ROBO2: variants seen among roughly 807,000 people sequenced by gnomAD.
ROBO2 encodes the protein roundabout guidance receptor 2.
Under a neutral mutation model 160.8 loss-of-function variants are expected in ROBO2, and 53 were observed. That is an observed-to-expected ratio of 0.33 (90% confidence interval 0.26 to 0.41). ROBO2 has a LOEUF of 0.41. Among genes scored for constraint, ROBO2 ranks in the 10% least tolerant of loss-of-function variants. The probability of loss-of-function intolerance (pLI) is 1.00; values close to 1 mark genes in which losing one functional copy is unlikely to be tolerated. For synonymous variants in ROBO2, 664 were observed against 611.7 expected (o/e 1.09, Z -1.26); for missense variants, 1,577 against 1,722.4 (o/e 0.92, Z 1.49).
At chr3:77,276,007 A>G (rs907963377) in intron 2 of ROBO2, among the ~76,000 whole-genome samples, 1 of 152,128 alleles carries the variant, frequency 6.6e-6, no homozygotes, top group African/African-American at 2.4e-5. Context: ...AAAGTATGCT[A>G]TGAGTTTAGC....
rs1433740534 is a variant in ROBO2, at chr3:77,180,416, C to CTCTATATATATATATATA, written c.388+82077_388+82078insCTATATATATATATATAT. On this transcript the variant is annotated intron_variant, in intron 2 of 25. Coordinates refer to ENST00000461745, the Ensembl canonical transcript of ROBO2. ...TCTCTCTCTCTCTCTCTCTCTCTCT[C>CTCTATATATATATATATA]TATATATATATATATGTATTTTTTT... Among the ~76,000 whole-genome samples, 55 of 90,718 alleles carry CTCTATATATATATATATA rather than the reference C, an allele frequency of 6.1e-4. 1 individual carries two copies. Among genetic ancestry groups the CTCTATATATATATATATA allele is most frequent in the Middle Eastern group, 0.01 (1 of 98 alleles). The allele number at this position is 90,718 out of a possible 152,430, so 59.5% of individuals were successfully genotyped here.
intron 2 of ROBO2, among the ~76,000 whole-genome samples, chr3:76,525,316 T>A (rs773153752): frequency 1.3e-4 from 19 of 151,912 alleles, no homozygotes; most frequent in Non-Finnish European, 2.1e-4. Flanking sequence ...AAGGATGATC[T>A]TCTTGGTTTT....
intron 2 of ROBO2, among the ~76,000 whole-genome samples, chr3:76,917,640 T>C (rs1268822636): frequency 1.3e-5 from 2 of 152,050 alleles, no homozygotes; most frequent in Non-Finnish European, 2.9e-5. Context: ...GTGTCAAATA[T>C]GGCAAAAAAT....
At chr3:76,267,836 A>G (rs578135591) in intron 2 of ROBO2, among the ~76,000 whole-genome samples, 3 of 152,108 alleles carry the variant, frequency 2.0e-5, no homozygotes, top group Non-Finnish European at 2.9e-5. Flanking sequence ...TCTTCACCCT[A>G]AAAGCAATTA....
chr3:77,226,036 C>G (rs1055267814), intron 2 of ROBO2, among the ~76,000 whole-genome samples: 8 of 151,920 alleles, frequency 5.3e-5, no homozygotes, highest in Non-Finnish European at 1.2e-4. Context: ...TGGAACATTA[C>G]TGGAATGAAA....
At chr3:77,081,373 C>G (rs552053802) in intron 1 of ROBO2, among the ~76,000 whole-genome samples, 1 of 152,064 alleles carries the variant, frequency 6.6e-6, no homozygotes, top group Non-Finnish European at 1.5e-5. Context: ...AGTGGAGATC[C>G]AAAGGTGATC....
intron 2 of ROBO2, among the ~76,000 whole-genome samples, chr3:77,104,666 T>C (rs752734652): frequency 1.3e-5 from 2 of 152,156 alleles, no homozygotes; most frequent in African/African-American, 4.8e-5. Flanking sequence ...TATTATTAAG[T>C]GTAGATTAAA....
At chr3:76,532,725 G>A (rs996142112) in intron 2 of ROBO2, among the ~76,000 whole-genome samples, 3 of 152,090 alleles carry the variant, frequency 2.0e-5, no homozygotes, top group African/African-American at 7.2e-5. Context: ...AGCAAGGAAG[G>A]CTCTGTGCTC....
chr3:77,248,652 A>C (rs933142836), intron 2 of ROBO2, among the ~76,000 whole-genome samples: 3 of 152,072 alleles, frequency 2.0e-5, no homozygotes, highest in African/African-American at 7.2e-5. Context: ...TGGAAGTGAG[A>C]CCAACCGAGT....
At chr3:76,962,619 C>T (rs1319436304) in intron 2 of ROBO2, among the ~76,000 whole-genome samples, 1 of 116,846 alleles carries the variant, frequency 8.6e-6, no homozygotes, top group Non-Finnish European at 1.7e-5. Context: ...GCCTGGGCAA[C>T]AAGAGTGAAA....
intron 2 of ROBO2, among the ~76,000 whole-genome samples, chr3:77,324,456 G>C (rs1033073703): frequency 1.3e-5 from 2 of 152,082 alleles, no homozygotes; most frequent in African/African-American, 4.8e-5. Context: ...TCCAGTTGTA[G>C]GGAAAGTAGA....
At chr3:76,707,637 C>A (rs944110418) in intron 2 of ROBO2, among the ~76,000 whole-genome samples, 1 of 151,342 alleles carries the variant, frequency 6.6e-6, no homozygotes, top group Non-Finnish European at 1.5e-5. Flanking sequence ...AATACTAAGA[C>A]CCATGGGATT....
intron 2 of ROBO2, among the ~76,000 whole-genome samples, chr3:76,176,765 A>T (rs1030015194): frequency 6.6e-6 from 1 of 152,080 alleles, no homozygotes; most frequent in African/African-American, 2.4e-5. Context: ...ACAATCAACA[A>T]TATTCAAAAA....
chr3:77,129,793 T>C (rs2075684578), intron 2 of ROBO2, among the ~76,000 whole-genome samples: 1 of 152,176 alleles, frequency 6.6e-6, no homozygotes, highest in African/African-American at 2.4e-5. Flanking sequence ...AAAGCTGTTG[T>C]AGTTCAGACT....
At chr3:76,901,413 A>T (rs2075218235) in intron 2 of ROBO2, among the ~76,000 whole-genome samples, 1 of 151,876 alleles carries the variant, frequency 6.6e-6, no homozygotes, top group Admixed American at 6.6e-5. Flanking sequence ...TTTAAAGATG[A>T]TGCAGAAGGC....
chr3:76,228,963 G>A (rs555547083), intron 2 of ROBO2, among the ~76,000 whole-genome samples: 1 of 152,258 alleles, frequency 6.6e-6, no homozygotes, highest in Admixed American at 6.5e-5. Flanking sequence ...AGTGAGAAGT[G>A]AGCTGTGATT....
intron 2 of ROBO2, among the ~76,000 whole-genome samples, chr3:76,078,578 T>C (rs946744175): frequency 1.3e-5 from 2 of 152,120 alleles, no homozygotes; most frequent in Non-Finnish European, 2.9e-5. Context: ...TTGCCCAGGC[T>C]GGTCTCAAAC....
chr3:76,570,725 T>C (rs2084905173), intron 2 of ROBO2, among the ~76,000 whole-genome samples: 1 of 152,154 alleles, frequency 6.6e-6, no homozygotes, highest in South Asian at 2.1e-4. Context: ...CTGCTGAAGA[T>C]TTACATTAAT....
At chr3:76,242,716 T>C (rs1705368213) in intron 2 of ROBO2, among the ~76,000 whole-genome samples, 1 of 151,950 alleles carries the variant, frequency 6.6e-6, no homozygotes, top group African/African-American at 2.4e-5. Flanking sequence ...TGAGACCCTG[T>C]CTCTACAAAA....
Sources: allele counts gnomAD v4.1 joint callset (sites outside exome capture counted in the v4.1 genomes callset), GRCh38; gene constraint gnomAD v4.1.1; transcripts MANE v1.5; gene names NCBI Gene and HGNC (gene_info 2026-07-23, HGNC 2026-07-21).